IQSEC1: variants seen among roughly 807,000 people sequenced by gnomAD.
IQSEC1 encodes the protein IQ motif and Sec7 domain ArfGEF 1.
Under a neutral mutation model 91.0 loss-of-function variants are expected in IQSEC1, and 31 were observed. The ratio of observed to expected loss-of-function variants is 0.34; its 90% confidence interval spans 0.26 to 0.46. The LOEUF (loss-of-function observed/expected upper bound fraction) is 0.46, where lower values mean the gene tolerates loss of function less well. Ranked by LOEUF, IQSEC1 falls within the 20% of genes least tolerant of loss-of-function variation. The pLI is 1.00. For synonymous variants in IQSEC1, 699 were observed against 662.6 expected (o/e 1.05, Z -0.84); for missense variants, 1,388 against 1,575.6 (o/e 0.88, Z 2.02).
chr3:13,121,785 G>A (rs953556471), intron 2 of IQSEC1, among the ~76,000 whole-genome samples: 6 of 152,316 alleles, frequency 3.9e-5, no homozygotes, highest in South Asian at 4.1e-4. Flanking sequence ...GCAACAGGGC[G>A]GCCCCCAGGA....
In IQSEC1 at chr3:12,900,326, T is replaced by A. The variant is rs540487869; in HGVS notation, c.*657A>T. On this transcript the variant is annotated 3_prime_UTR_variant, in exon 14 of 14. Transcript: ENST00000613206. ...TTTGTTCCTAGCATTTAGGGTTTGG[T>A]CTATTGTCTCACACACCCAGCTAAG... The A allele has an allele frequency of 1.0e-6, 1 of 984,574 alleles. No individual in the cohort carries two copies. Among genetic ancestry groups the A allele is most frequent in the Non-Finnish European group, 1.2e-6 (1 of 829,302 alleles). 61.0% of individuals were successfully genotyped at this position (984,574 alleles called of 1,614,324 possible). A position where few individuals can be genotyped will look rare whatever the true frequency, so the allele number is the denominator to read the frequency against.
At chr3:13,231,529 C>G (rs755085822) in intron 1 of IQSEC1, among the ~76,000 whole-genome samples, 1 of 146,440 alleles carries the variant, frequency 6.8e-6, no homozygotes, top group Non-Finnish European at 1.5e-5. Context: ...ATGAGGGCTC[C>G]ACCTGCATGA....
intron 1 of IQSEC1, among the ~76,000 whole-genome samples, chr3:13,172,019 G>A (rs1047522587): frequency 3.9e-5 from 6 of 152,202 alleles, no homozygotes; most frequent in South Asian, 2.1e-4. Context: ...AGTGCAGAGC[G>A]GTGAGTCTAA....
At position 12,924,461 on chromosome 3, in the gene IQSEC1, G is replaced by A. The variant is rs749796964; in HGVS notation, c.1730+120C>T. The A allele has an allele frequency of 3.0e-5, 30 of 1,009,828 alleles. No individual in the cohort carries two copies. The highest frequency in any genetic ancestry group is 4.1e-5 in the Non-Finnish European group (29 of 707,106). The allele number at this position is 1,009,828 out of a possible 1,614,324, so 62.6% of individuals were successfully genotyped here. On this transcript the variant is annotated intron_variant, in intron 4 of 13. Coordinates refer to ENST00000613206, the MANE Select transcript of IQSEC1 (RefSeq NM_001134382.3). This position sits in a 1 kb window ranked among gnomAD's most constrained non-coding sequence, Gnocchi z 6.3. The stretch of plus-strand genomic sequence containing the variant: ...TAGGACTTAGGAAGAGAGAAAGGGG[G>A]GCCCACCACATGTCCCAGCAAGTAG...
intron 1 of IQSEC1, among the ~76,000 whole-genome samples, chr3:13,249,373 C>T (rs1695157874): frequency 6.6e-6 from 1 of 151,718 alleles, no homozygotes; most frequent in African/African-American, 2.4e-5. Flanking sequence ...GGGGTTTCAC[C>T]GTGTTAGCCA....
intron 1 of IQSEC1, among the ~76,000 whole-genome samples, chr3:12,948,708 C>T (rs953063627): frequency 1.3e-5 from 2 of 152,166 alleles, no homozygotes; most frequent in African/African-American, 2.4e-5. Context: ...CCCCCAATAT[C>T]GACAACGACA....
intron 1 of IQSEC1, among the ~76,000 whole-genome samples, chr3:13,249,896 T>C (rs1052387991): frequency 2.6e-5 from 4 of 152,220 alleles, no homozygotes; most frequent in African/African-American, 9.6e-5. Context: ...ATGGCAACTT[T>C]GCCACTAACC....
At chr3:12,919,779 CAG>C (rs1259507251) in intron 6 of IQSEC1, among the ~76,000 whole-genome samples, 1 of 152,244 alleles carries the variant, frequency 6.6e-6, no homozygotes, top group African/African-American at 2.4e-5. Context: ...CTGGGGCACA[CAG>C]GGGACACACT....
intron 1 of IQSEC1, among the ~76,000 whole-genome samples, chr3:12,986,646 G>A (rs186188690): frequency 7.2e-5 from 11 of 152,346 alleles, no homozygotes; most frequent in Admixed American, 3.3e-4. Flanking sequence ...CCAGGCATGG[G>A]GCACCGCCTG....
chr3:12,907,094 C>T (rs988906279), intron 12 of IQSEC1, among the ~76,000 whole-genome samples: 15 of 152,286 alleles, frequency 9.8e-5, no homozygotes, highest in Middle Eastern at 3.4e-3. Flanking sequence ...AAGCCCGGGA[C>T]GGTCCCCCAG....
chr3:13,279,329 G>A (rs1331290338), intron 1 of IQSEC1, among the ~76,000 whole-genome samples: 1 of 152,236 alleles, frequency 6.6e-6, no homozygotes, highest in African/African-American at 2.4e-5. Context: ...TCTGATGTCA[G>A]GGTAAAAGCA....
At chr3:13,181,186 G>T (rs1355015190) in intron 1 of IQSEC1, among the ~76,000 whole-genome samples, 4 of 152,364 alleles carry the variant, frequency 2.6e-5, no homozygotes, top group African/African-American at 9.6e-5. Context: ...CAGGAGAATG[G>T]CGCAAACTCG....
chr3:12,956,545 C>G (rs980468981), intron 1 of IQSEC1, among the ~76,000 whole-genome samples: 5 of 152,222 alleles, frequency 3.3e-5, no homozygotes, highest in African/African-American at 1.2e-4. Flanking sequence ...ACCAGACGCC[C>G]TCGTTCCTAA....
intron 1 of IQSEC1, among the ~76,000 whole-genome samples, chr3:13,256,530 C>A (rs1695288402): frequency 6.6e-6 from 1 of 152,180 alleles, no homozygotes; most frequent in Admixed American, 6.5e-5. Context: ...GATTGGAGGG[C>A]AGCCCAGTGA....
intron 12 of IQSEC1, among the ~76,000 whole-genome samples, chr3:12,904,963 G>A (rs1232468890): frequency 6.6e-6 from 1 of 152,206 alleles, no homozygotes; most frequent in Non-Finnish European, 1.5e-5. Flanking sequence ...GACGCTGAGT[G>A]TCTTACAATC....
intron 2 of IQSEC1, among the ~76,000 whole-genome samples, chr3:13,163,459 C>A (rs1707216371): frequency 6.6e-6 from 1 of 152,198 alleles, no homozygotes; most frequent in Non-Finnish European, 1.5e-5. Flanking sequence ...ATGACCATGG[C>A]CTTCTTGGTC....
intron 1 of IQSEC1, among the ~76,000 whole-genome samples, chr3:13,019,828 AC>A (rs1459251198): frequency 6.6e-6 from 1 of 152,092 alleles, no homozygotes; most frequent in Non-Finnish European, 1.5e-5. Flanking sequence ...CTGTGAAGCT[AC>A]CTGTCTATCA....
rs375378452 is a variant in IQSEC1, at chr3:12,924,781, C to T, written c.1569-39G>A. The T allele has an allele frequency of 1.7e-4, 260 of 1,504,682 alleles. No individual in the cohort carries two copies. In the African/African-American group the frequency reaches 2.5e-3, roughly 14 times the overall value. 93.2% of individuals were successfully genotyped at this position (1,504,682 alleles called of 1,614,324 possible). A position where few individuals can be genotyped will look rare whatever the true frequency, so the allele number is the denominator to read the frequency against. Reference sequence around the variant, plus strand: ...AGAGGCACACTCAGTCCCAGCTGCCCGGCCACCAGCCAGGCACCTGGAGGG... The same window carrying T: ...AGAGGCACACTCAGTCCCAGCTGCCTGGCCACCAGCCAGGCACCTGGAGGG... On this transcript the variant is annotated intron_variant, in intron 3 of 13. Transcript: ENST00000613206. The surrounding 1 kb of genome is among the most constrained non-coding windows in gnomAD (Gnocchi z 6.3).
rs1456118893 is a variant in IQSEC1 at position 12,935,497 on chromosome 3, C to T, written c.1519G>A (p.Asp507Asn). The stretch of plus-strand genomic sequence containing the variant: ...CGGTAGTGCCTCTTGCGGATGACAT[C>T]GTTGCTAAAGGCAGGCGAGTCCCAG... Reference protein sequence around the residue: ...NSWDSPAFSNDVIRKRHYRIG... With the variant: ...NSWDSPAFSNNVIRKRHYRIG... The change falls in exon 3 of 14, where the codon GAT (aspartate) becomes AAT (asparagine). Residue 507 changes from aspartate to asparagine, a missense_variant. This residue lies in a region of IQSEC1 where 1,059 missense variants were observed against 1,317.8 expected (regional missense o/e 0.80). Coordinates refer to ENST00000613206, the MANE Select transcript of IQSEC1 (RefSeq NM_001134382.3). The surrounding 1 kb of genome is among the most constrained non-coding windows in gnomAD (Gnocchi z 8.0). 25 of 1,613,886 alleles carry T rather than the reference C, an allele frequency of 1.5e-5. No individual in the cohort carries two copies. Among genetic ancestry groups the T allele is most frequent in the East Asian group, 2.2e-5 (1 of 44,878 alleles).
Sources: allele counts gnomAD v4.1 joint callset (sites outside exome capture counted in the v4.1 genomes callset), GRCh38; gene constraint gnomAD v4.1.1; regional missense constraint gnomAD v4.1.1; non-coding constraint Gnocchi (gnomAD v3.1); transcripts MANE v1.5; gene names NCBI Gene and HGNC (gene_info 2026-07-23, HGNC 2026-07-21).